The following OPRM1 variants were observed in gnomAD, a reference collection of about 807,000 sequenced individuals.
OPRM1 encodes opioid receptor mu 1.
OPRM1 carries 27 observed loss-of-function variants against 31.8 expected under a neutral mutation model. The observed-to-expected ratio is 0.85, with a 90% CI of 0.63 to 1.17. OPRM1 has a LOEUF of 1.17. Among genes scored for constraint, OPRM1 ranks in the 50% most tolerant of loss-of-function variants. The probability of loss-of-function intolerance (pLI) is 0.00; values close to 1 mark genes in which losing one functional copy is unlikely to be tolerated. For synonymous variants in OPRM1, 196 were observed against 189.9 expected (o/e 1.03, Z -0.26); for missense variants, 536 against 511.1 (o/e 1.05, Z -0.47).
chr6:154,234,549 T>TCCTTACTATTC (rs1234730033), intron 3 of OPRM1, among the ~76,000 whole-genome samples: 7 of 152,192 alleles, frequency 4.6e-5, no homozygotes, highest in Non-Finnish European at 4.4e-5. Flanking sequence ...CAACAATCCC[T>TCCTTACTATTC]CCTTACTATT....
chr6:154,167,411 G>C (rs188274519), intron 3 of OPRM1, among the ~76,000 whole-genome samples: 132 of 152,218 alleles, frequency 8.7e-4, no homozygotes, highest in African/African-American at 3.0e-3. Flanking sequence ...GGTGCTCCTT[G>C]GCTGCAGTGC....
intron 3 of OPRM1, among the ~76,000 whole-genome samples, chr6:154,228,796 G>T (rs1198628552): frequency 6.6e-6 from 1 of 152,232 alleles, no homozygotes; most frequent in African/African-American, 2.4e-5. Context: ...GCCAAGGCGG[G>T]AGGATGACTT....
Position 154,159,749 on chromosome 6 carries a change from A to G in OPRM1, c.1164+68277A>G, listed in dbSNP as rs563647492. 21 of 1,151,890 alleles carry G rather than the reference A, an allele frequency of 1.8e-5. No homozygotes were observed. The South Asian group carries it at 2.8e-4, about 15-fold the overall frequency. 71.4% of individuals were successfully genotyped at this position (1,151,890 alleles called of 1,614,324 possible). A position where few individuals can be genotyped will look rare whatever the true frequency, so the allele number is the denominator to read the frequency against. ...AGGACTGGGTTTCAGTTTTCCTTTTAAGGAAAAATGTAAGCTTTTGCAACA... is the reference window on the plus strand; with the variant it reads ...AGGACTGGGTTTCAGTTTTCCTTTTGAGGAAAAATGTAAGCTTTTGCAACA... On this transcript the variant is annotated intron_variant, in intron 3 of 3. Transcript: ENST00000337049.
Position 154,212,790 on chromosome 6 carries a change from C to T in OPRM1, c.1165-33903C>T, listed in dbSNP as rs761913720. On this transcript the variant is annotated intron_variant, in intron 3 of 3. Transcript: ENST00000337049. ...CATACCAAAGACTGAGTCTGGGAAG[C>T]GTGAGGAGGGGGTGGTGTCTCCGCA... is the stretch of plus-strand genomic sequence containing the variant. The T allele has an allele frequency of 4.1e-5, 66 of 1,612,366 alleles. 1 individual carries two copies. The Middle Eastern group carries it at 3.5e-3, about 85-fold the overall frequency.
At chr6:154,037,718 A>G (rs752242591), upstream of OPRM1, among the ~76,000 whole-genome samples, 3 of 152,160 alleles carry the variant, frequency 2.0e-5, no homozygotes, top group Non-Finnish European at 4.4e-5. Flanking sequence ...GCTAACAGAC[A>G]TATGAGGTGA....
At chr6:154,069,592 G>T (rs993925006) in intron 1 of OPRM1, among the ~76,000 whole-genome samples, 5 of 152,298 alleles carry the variant, frequency 3.3e-5, no homozygotes, top group African/African-American at 1.2e-4. Context: ...CCAGTGTCAT[G>T]AAGCTTTTTC....
intron 3 of OPRM1, among the ~76,000 whole-genome samples, chr6:154,201,628 C>T (rs1777075812): frequency 6.6e-6 from 1 of 152,196 alleles, no homozygotes; most frequent in African/African-American, 2.4e-5. Context: ...GGCGCGGTGG[C>T]TCATGCCTGT....
intron 1 of OPRM1, among the ~76,000 whole-genome samples, chr6:154,033,905 G>A (rs1779146236): frequency 6.6e-6 from 1 of 152,148 alleles, no homozygotes; most frequent in South Asian, 2.1e-4. Context: ...TGAGGCATAA[G>A]CAATCATGAG....
At chr6:154,236,922 T>A (rs1468453928) in intron 3 of OPRM1, among the ~76,000 whole-genome samples, 1 of 152,236 alleles carries the variant, frequency 6.6e-6, no homozygotes, top group Non-Finnish European at 1.5e-5. Flanking sequence ...GCATCTTTTT[T>A]AAAGACATCG....
At chr6:154,195,242 G>A (rs922316604) in intron 3 of OPRM1, among the ~76,000 whole-genome samples, 1 of 150,650 alleles carries the variant, frequency 6.6e-6, no homozygotes, top group Admixed American at 6.6e-5. Context: ...CCGCCTCCAG[G>A]GTTCACACCA....
chr6:154,109,786 C>CTGTGTGTGTG (rs1437900032), intron 3 of OPRM1, among the ~76,000 whole-genome samples: 1 of 92,296 alleles, frequency 1.1e-5, no homozygotes, highest in Non-Finnish European at 2.5e-5. Flanking sequence ...CTCTCTCTCT[C>CTGTGTGTGTG]TCTCTCTGTG....
Position 154,039,773 on chromosome 6 carries a change from T to TGTGC in OPRM1, c.229_230insGTGC (p.Tyr77CysfsTer77). The TGTGC allele has an allele frequency of 6.2e-7, 1 of 1,603,598 alleles. No homozygotes were observed. The highest frequency in any genetic ancestry group is 1.7e-5 in the Admixed American group (1 of 59,982). On this transcript the variant is annotated frameshift_variant, in exon 1 of 4. Coordinates refer to ENST00000330432, the MANE Select transcript of OPRM1 (RefSeq NM_000914.5). LOFTEE classifies it high-confidence loss of function. ...CACGGCCATCACGATCATGGCCCTC[T>TGTGC]ACTCCATCGTGTGCGTGGTGGGGCT...
At chr6:154,094,107 T>C in intron 3 of OPRM1, 7 of 583,386 alleles carry the variant, frequency 1.2e-5, no homozygotes, top group Non-Finnish European at 1.7e-5. Flanking sequence ...ATATTGGTTG[T>C]GGATGTTTAT....
At chr6:154,241,629 C>A (rs1780602642) in intron 3 of OPRM1, among the ~76,000 whole-genome samples, 1 of 152,132 alleles carries the variant, frequency 6.6e-6, no homozygotes, top group Non-Finnish European at 1.5e-5. Flanking sequence ...GCGTAGTGCG[C>A]CCTACATTCT....
chr6:154,137,957 G>C (rs570851499), intron 3 of OPRM1, among the ~76,000 whole-genome samples: 4 of 152,192 alleles, frequency 2.6e-5, no homozygotes, highest in South Asian at 2.1e-4. Context: ...GAATTCATTT[G>C]TTTCCAACTA....
chr6:154,041,518 C>G (rs1780056083), intron 1 of OPRM1, among the ~76,000 whole-genome samples: 2 of 152,058 alleles, frequency 1.3e-5, no homozygotes, highest in South Asian at 2.1e-4. Context: ...AGAAGGGACT[C>G]TAGAGATTAT....
chr6:154,215,126 T>C (rs1299078215), intron 3 of OPRM1, among the ~76,000 whole-genome samples: 1 of 152,188 alleles, frequency 6.6e-6, no homozygotes, highest in Non-Finnish European at 1.5e-5. Flanking sequence ...AATTCGTCTA[T>C]GCTTTTGATG....
At chr6:154,152,361 A>AAAG (rs1798552240) in intron 3 of OPRM1, among the ~76,000 whole-genome samples, 1 of 148,304 alleles carries the variant, frequency 6.7e-6, no homozygotes, top group Non-Finnish European at 1.5e-5. Flanking sequence ...AGAAAGAAAG[A>AAAG]AAGAAAGAAA....
downstream of OPRM1, among the ~76,000 whole-genome samples, chr6:154,135,602 T>C (rs1389740321): frequency 6.6e-6 from 1 of 152,242 alleles, no homozygotes; most frequent in Non-Finnish European, 1.5e-5. Context: ...GTTTTTTAAC[T>C]CTGTCTTCTT....
Sources: gnomAD v4.1 joint callset for allele counts (sites outside exome capture counted in the v4.1 genomes callset) on GRCh38, gnomAD v4.1.1 for gene constraint, MANE v1.5 for transcripts, NCBI Gene and HGNC (gene_info 2026-07-23, HGNC 2026-07-21) for gene names.